The following PLPPR1 variants were observed in gnomAD, a reference collection of about 807,000 sequenced individuals.
The protein encoded by PLPPR1 is phospholipid phosphatase related 1.
A neutral mutation model predicts 33.1 loss-of-function variants in PLPPR1; 10 were observed. The ratio of observed to expected loss-of-function variants is 0.30; its 90% CI spans 0.19 to 0.51. The LOEUF is 0.51. Ranked by LOEUF, PLPPR1 falls within the 20% of genes least tolerant of loss-of-function variation. PLPPR1 has a pLI of 0.97. For synonymous variants in PLPPR1, 151 were observed against 151.0 expected, an observed-to-expected ratio of 1.00 and a Z score of 0.00; for missense variants, 304 against 408.1, an observed-to-expected ratio of 0.74 and a Z score of 2.20.
chr9:101,046,375 T>A (rs1271622751), intron 1 of PLPPR1, among the ~76,000 whole-genome samples: 1 of 151,804 alleles, frequency 6.6e-6, no homozygotes, highest in Non-Finnish European at 1.5e-5. Flanking sequence ...ACAGGAAAAT[T>A]GCCAAGTTGC....
chr9:101,165,980 TCTCA>T (rs576620191), intron 1 of PLPPR1, among the ~76,000 whole-genome samples: 3 of 152,220 alleles, frequency 2.0e-5, no homozygotes, highest in Non-Finnish European at 4.4e-5. Flanking sequence ...TTCATTCTTC[TCTCA>T]CTCTCTGCCA....
intron 2 of PLPPR1, among the ~76,000 whole-genome samples, chr9:101,263,742 T>C (rs1211495609): frequency 1.3e-5 from 2 of 152,238 alleles, no homozygotes; most frequent in African/African-American, 2.4e-5. Flanking sequence ...ATGCAATCTG[T>C]CTGTGCCTGT....
intron 1 of PLPPR1, among the ~76,000 whole-genome samples, chr9:101,173,544 C>G (rs1825976163): frequency 6.6e-6 from 1 of 152,072 alleles, no homozygotes; most frequent in Non-Finnish European, 1.5e-5. Context: ...CTTTGTTTCC[C>G]CCAGTACAAC....
rs79352496 is a variant in PLPPR1, at chr9:101,311,212, T to C, written c.637-1586T>C. Among the ~76,000 whole-genome samples, 1,209 of 152,320 alleles carry C rather than the reference T, an allele frequency of 7.9e-3. 9 individuals carry two copies. The highest frequency in any genetic ancestry group is 0.018 in the African/African-American group (733 of 41,582). On this transcript the variant is annotated intron_variant, in intron 5 of 7. Coordinates refer to ENST00000374874, the MANE Select transcript of PLPPR1 (RefSeq NM_207299.2). Reference sequence around the variant, plus strand: ...TCAACAAATGAGATACGAAGTTCTTTGGGCAAGAAAGAAGTAAATATCATC... The same window carrying C: ...TCAACAAATGAGATACGAAGTTCTTCGGGCAAGAAAGAAGTAAATATCATC...
intron 1 of PLPPR1, among the ~76,000 whole-genome samples, chr9:101,090,718 AAAAC>A (rs55685639): frequency 0.021 from 3,190 of 150,026 alleles, 115 homozygotes; most frequent in African/African-American, 0.072. Context: ...ACTCTGTCTC[AAAAC>A]AAACAAACAA....
At chr9:101,296,866 C>T (rs1044703195) in intron 4 of PLPPR1, among the ~76,000 whole-genome samples, 10 of 151,778 alleles carry the variant, frequency 6.6e-5, no homozygotes, top group Admixed American at 1.3e-4. Context: ...TTAATGGGTG[C>T]GGCACACCAG....
chr9:101,209,653 GAGTAATTGA>G (rs1826654441), intron 2 of PLPPR1, among the ~76,000 whole-genome samples: 1 of 152,216 alleles, frequency 6.6e-6, no homozygotes, highest in African/African-American at 2.4e-5. Context: ...AACATAGTTT[GAGTAATTGA>G]CACTGCAGTT....
At chr9:101,167,669 G>T (rs1230377984) in intron 1 of PLPPR1, among the ~76,000 whole-genome samples, 1 of 152,002 alleles carries the variant, frequency 6.6e-6, no homozygotes, top group Non-Finnish European at 1.5e-5. Context: ...GGGCACTTTG[G>T]TCCCTCTGAC....
chr9:101,321,484 G>A (rs1020453352), intron 7 of PLPPR1, among the ~76,000 whole-genome samples: 1 of 151,988 alleles, frequency 6.6e-6, no homozygotes, highest in African/African-American at 2.4e-5. Flanking sequence ...AAATAGTCAA[G>A]TTTTTCAAAG....
chr9:101,166,515 A>G (rs572414519), intron 1 of PLPPR1, among the ~76,000 whole-genome samples: 2 of 152,346 alleles, frequency 1.3e-5, no homozygotes, highest in East Asian at 1.9e-4. Context: ...TTAAAGAAAG[A>G]CAATTTGTCC....
intron 4 of PLPPR1, among the ~76,000 whole-genome samples, chr9:101,294,585 A>G (rs1194835733): frequency 6.6e-6 from 1 of 151,994 alleles, no homozygotes; most frequent in African/African-American, 2.4e-5. Context: ...CCAGCAGCAC[A>G]TCAAAAAGCT....
At chr9:101,150,010 C>T (rs573441011) in intron 1 of PLPPR1, among the ~76,000 whole-genome samples, 6 of 152,070 alleles carry the variant, frequency 3.9e-5, no homozygotes, top group African/African-American at 1.2e-4. Flanking sequence ...TATGTCATTT[C>T]TTTAAGCCTC....
At chr9:101,165,761 A>T (rs1014257165) in intron 1 of PLPPR1, among the ~76,000 whole-genome samples, 3 of 152,208 alleles carry the variant, frequency 2.0e-5, no homozygotes, top group African/African-American at 4.8e-5. Context: ...AACAGAAAAG[A>T]TGACTGTTTT....
intron 1 of PLPPR1, among the ~76,000 whole-genome samples, chr9:101,040,796 C>T (rs993573661): frequency 6.6e-6 from 1 of 152,086 alleles, no homozygotes; most frequent in Non-Finnish European, 1.5e-5. Flanking sequence ...CCTCCTTCTA[C>T]TATGTAAGCA....
intron 1 of PLPPR1, among the ~76,000 whole-genome samples, chr9:101,109,844 A>G (rs1322622702): frequency 1.3e-5 from 2 of 152,190 alleles, no homozygotes; most frequent in East Asian, 1.9e-4. Context: ...GCCATATATA[A>G]TATCTGCCAC....
At chr9:101,048,563 A>G (rs371515802) in intron 1 of PLPPR1, among the ~76,000 whole-genome samples, 1 of 152,266 alleles carries the variant, frequency 6.6e-6, no homozygotes, top group East Asian at 1.9e-4. Flanking sequence ...ATGAATCACA[A>G]TAAGCCAAAA....
rs77913173 is a variant in PLPPR1, at chr9:101,305,665, T to G, written c.386-3546T>G. Among the ~76,000 whole-genome samples the G allele has an allele frequency of 7.2e-3, 1,092 of 152,270 alleles. 6 individuals are homozygous for G. The highest frequency in any genetic ancestry group is 0.017 in the African/African-American group (695 of 41,548). ...CAGTCTGGTTCTGTACTTTTCCCAG[T>G]TCTGAAGGGATCCTGGAATGAGGCC... On this transcript the variant is annotated intron_variant, in intron 4 of 7. Transcript: ENST00000374874.
At chr9:101,084,649 G>T (rs1830657338) in intron 1 of PLPPR1, among the ~76,000 whole-genome samples, 1 of 152,142 alleles carries the variant, frequency 6.6e-6, no homozygotes, top group South Asian at 2.1e-4. Context: ...AGGCTTCTTT[G>T]GTTTGTTACA....
At chr9:101,234,795 A>G (rs886074652) in intron 2 of PLPPR1, among the ~76,000 whole-genome samples, 3 of 151,940 alleles carry the variant, frequency 2.0e-5, no homozygotes, top group Admixed American at 6.6e-5. Flanking sequence ...GAACCTTAAA[A>G]GTGGGTGAGA....
Sources: gnomAD v4.1 joint callset for allele counts (sites outside exome capture counted in the v4.1 genomes callset) on GRCh38, gnomAD v4.1.1 for gene constraint, MANE v1.5 for transcripts, NCBI Gene and HGNC (gene_info 2026-07-23, HGNC 2026-07-21) for gene names.